Variants in CPNE8 observed in about 807,000 individuals in gnomAD.
The protein encoded by CPNE8 is copine 8.
CPNE8 carries 45 observed loss-of-function variants against 81.5 expected under a neutral mutation model. The ratio of observed to expected loss-of-function variants is 0.55; its 90% CI spans 0.44 to 0.71. CPNE8 has a LOEUF of 0.71. Among genes scored for constraint, CPNE8 ranks in the 30% least tolerant of loss-of-function variants. The pLI is 0.00. For missense variants in CPNE8, 594 were observed against 672.1 expected (o/e 0.88, Z 1.28); for synonymous variants, 252 against 226.3 (o/e 1.11, Z -1.02).
intron 3 of CPNE8, among the ~76,000 whole-genome samples, chr12:38,865,350 A>T (rs1289654299): frequency 2.6e-5 from 4 of 152,202 alleles, no homozygotes; most frequent in Non-Finnish European, 5.9e-5. Flanking sequence ...TTCTAGACAG[A>T]TATTAATATT....
At chr12:38,676,268 A>G (rs1246920053) in intron 17 of CPNE8, 7 of 977,732 alleles carry the variant, frequency 7.2e-6, no homozygotes, top group African/African-American at 5.2e-5. Flanking sequence ...TTCCATTCTT[A>G]TCCTTTCCAA....
intron 14 of CPNE8, among the ~76,000 whole-genome samples, chr12:38,695,557 G>A (rs1939774192): frequency 1.3e-5 from 2 of 152,148 alleles, no homozygotes; most frequent in Admixed American, 1.3e-4. Context: ...TGTCCAGTGT[G>A]ATTTTTCTTT....
At chr12:38,839,478 C>T (rs760930201) in intron 5 of CPNE8, among the ~76,000 whole-genome samples, 1 of 152,016 alleles carries the variant, frequency 6.6e-6, no homozygotes, top group South Asian at 2.1e-4. Flanking sequence ...TAGCACAATG[C>T]CTGGCATATA....
chr12:38,770,961 C>A (rs1240131344), intron 7 of CPNE8, among the ~76,000 whole-genome samples: 1 of 152,160 alleles, frequency 6.6e-6, no homozygotes, highest in Non-Finnish European at 1.5e-5. Context: ...ACTAATGTCT[C>A]TCTTTCCCAC....
At chr12:38,690,231 T>C (rs11169137) in intron 15 of CPNE8, among the ~76,000 whole-genome samples, 5,507 of 152,258 alleles carry the variant, frequency 0.036, 265 homozygotes, top group East Asian at 0.14. Flanking sequence ...GACAAGACTG[T>C]CATGAAACTG....
chr12:38,898,395 T>C (rs77793047), intron 1 of CPNE8, among the ~76,000 whole-genome samples: 2,681 of 152,128 alleles, frequency 0.018, 79 homozygotes, highest in African/African-American at 0.061. Context: ...TTACTGAAAC[T>C]CTGGGGCTAA....
chr12:38,739,139 G>A (rs770403405), intron 10 of CPNE8, among the ~76,000 whole-genome samples: 5 of 151,980 alleles, frequency 3.3e-5, no homozygotes, highest in African/African-American at 1.2e-4. Flanking sequence ...ATGATTTATG[G>A]GGAAACAAAC....
intron 1 of CPNE8, among the ~76,000 whole-genome samples, chr12:38,875,123 G>T (rs903974765): frequency 1.3e-5 from 2 of 151,980 alleles, no homozygotes; most frequent in South Asian, 2.1e-4. Context: ...TTTTTTTCCA[G>T]ATATTTCTAA....
In CPNE8 at chr12:38,871,964, C is replaced by T. The variant is rs549226615; in HGVS notation, c.186+1040G>A. ...TAGCCTGACCAACATGGAGAAACCCCGTCTCTACCAAAAATACAAAATTAG... is the reference window on the plus strand; with the variant it reads ...TAGCCTGACCAACATGGAGAAACCCTGTCTCTACCAAAAATACAAAATTAG... On this transcript the variant is annotated intron_variant, in intron 3 of 19. Transcript: ENST00000331366. Among the ~76,000 whole-genome samples the T allele has an allele frequency of 4.6e-5, 7 of 152,132 alleles. No homozygotes were observed. In the East Asian group the frequency reaches 1.2e-3, roughly 25 times the overall value.
Position 38,653,839 on chromosome 12 carries a change from A to G in CPNE8, c.*43T>C, listed in dbSNP as rs916248425. ...AGCACCAGGCACAAAGCATTAACTC[A>G]GCACTTTTGATTTGTAGTTGACATT... On this transcript the variant is annotated 3_prime_UTR_variant, in exon 20 of 20. Transcript: ENST00000331366. 1.3e-6 allele frequency: 2 copies of G among 1,596,962 alleles called. No homozygotes were observed. Among genetic ancestry groups the G allele is most frequent in the Non-Finnish European group, 8.5e-7 (1 of 1,174,448 alleles).
chr12:38,693,130 GA>G (rs769519115), intron 15 of CPNE8, among the ~76,000 whole-genome samples: 8 of 152,260 alleles, frequency 5.3e-5, no homozygotes, highest in Admixed American at 1.3e-4. Context: ...CATGAGCAAA[GA>G]AGTTATGTTA....
intron 5 of CPNE8, among the ~76,000 whole-genome samples, chr12:38,839,699 T>G (rs942502792): frequency 6.6e-6 from 1 of 152,052 alleles, no homozygotes; most frequent in Non-Finnish European, 1.5e-5. Flanking sequence ...GATTAAAAAT[T>G]AAAAGGAAGA....
At chr12:38,848,240 C>T (rs1487776932) in intron 4 of CPNE8, among the ~76,000 whole-genome samples, 2 of 152,126 alleles carry the variant, frequency 1.3e-5, no homozygotes, top group South Asian at 4.1e-4. Flanking sequence ...ATCTGAGAGA[C>T]ATCAGCCATG....
chr12:38,850,363 C>T (rs1943626623), intron 3 of CPNE8, among the ~76,000 whole-genome samples: 1 of 152,130 alleles, frequency 6.6e-6, no homozygotes, highest in Admixed American at 6.5e-5. Flanking sequence ...AAATTTCCCA[C>T]AGTAAGCCCC....
chr12:38,817,833 C>A (rs1414971782), intron 6 of CPNE8, among the ~76,000 whole-genome samples: 1 of 151,964 alleles, frequency 6.6e-6, no homozygotes, highest in Non-Finnish European at 1.5e-5. Context: ...CTGTGTTAGC[C>A]AGGATGGTCT....
intron 6 of CPNE8, among the ~76,000 whole-genome samples, chr12:38,800,063 G>T (rs11534915): frequency 7.8e-6 from 1 of 127,478 alleles, no homozygotes; most frequent in Admixed American, 8.5e-5. Context: ...ACTGCAAGGC[G>T]GCAACGAGGC....
chr12:38,866,867 CA>C (rs1030278294), intron 3 of CPNE8, among the ~76,000 whole-genome samples: 8 of 151,952 alleles, frequency 5.3e-5, no homozygotes, highest in African/African-American at 1.9e-4. Context: ...ATTAATTGAA[CA>C]TTTTTTTTTA....
intron 3 of CPNE8, among the ~76,000 whole-genome samples, chr12:38,854,174 A>C (rs2137067683): frequency 6.6e-6 from 1 of 152,116 alleles, no homozygotes; most frequent in South Asian, 2.1e-4. Context: ...TAAATATCCA[A>C]CTTGCATGAA....
At chr12:38,888,062 T>C (rs1309835655) in intron 1 of CPNE8, among the ~76,000 whole-genome samples, 1 of 152,096 alleles carries the variant, frequency 6.6e-6, no homozygotes, top group African/African-American at 2.4e-5. Context: ...CTGATGACTG[T>C]GATGTGCCTA....
Sources: allele counts gnomAD v4.1 joint callset (sites outside exome capture counted in the v4.1 genomes callset), GRCh38; gene constraint gnomAD v4.1.1; transcripts MANE v1.5; gene names NCBI Gene and HGNC (gene_info 2026-07-23, HGNC 2026-07-21).